The following STK35 variants were observed in gnomAD, a reference collection of about 807,000 sequenced individuals.
STK35 encodes the protein serine/threonine kinase 35, also known as serine/threonine-protein kinase 35.
A neutral mutation model predicts 37.3 loss-of-function variants in STK35; 17 were observed. That is an observed-to-expected ratio of 0.46 (90% CI 0.31 to 0.68). The LOEUF (loss-of-function observed/expected upper bound fraction) is 0.68, where lower values mean the gene tolerates loss of function less well. Ranked by LOEUF, STK35 falls within the 30% of genes least tolerant of loss-of-function variation. The pLI is 0.05. For synonymous variants in STK35, 385 were observed against 319.1 expected (o/e 1.21, Z -2.20); for missense variants, 595 against 746.7 (o/e 0.80, Z 2.37).
intron 2 of STK35, among the ~76,000 whole-genome samples, chr20:2,110,813 G>A (rs1985602925): frequency 6.6e-6 from 1 of 152,200 alleles, no homozygotes; most frequent in African/African-American, 2.4e-5. Context: ...ACGCATCAGA[G>A]TCTGCTGTGG....
chr20:2,108,220 T>C (rs1393103246), intron 2 of STK35, among the ~76,000 whole-genome samples: 1 of 152,234 alleles, frequency 6.6e-6, no homozygotes, highest in East Asian at 1.9e-4. Flanking sequence ...CAGAAACTAA[T>C]GGCTCAGGCC....
chr20:2,147,632 T>G lies in STK35; in HGVS notation c.*3886T>G, dbSNP rs1039518861. 1 of 152,516 alleles carries G rather than the reference T, an allele frequency of 6.6e-6. No homozygotes were observed. Among genetic ancestry groups the G allele is most frequent in the African/African-American group, 2.4e-5 (1 of 41,428 alleles). The allele number at this position is 152,516 out of a possible 1,614,324, so 9.4% of individuals were successfully genotyped here. A position where few individuals can be genotyped will look rare whatever the true frequency, so the allele number is the denominator to read the frequency against. The stretch of plus-strand genomic sequence containing the variant: ...TGCCCACCAAGTGCAGCTCCCACTT[T>G]CCATCCTGCCCATACGCCCCTCTTC... On this transcript the variant is annotated 3_prime_UTR_variant, in exon 4 of 4. Coordinates refer to ENST00000381482, the MANE Select transcript of STK35 (RefSeq NM_080836.4).
At chr20:2,126,718 C>T (rs1233371975) in intron 3 of STK35, among the ~76,000 whole-genome samples, 1 of 152,202 alleles carries the variant, frequency 6.6e-6, no homozygotes, top group Non-Finnish European at 1.5e-5. Flanking sequence ...GATTCAGAGG[C>T]ATGGCAGGCC....
At position 2,102,098 on chromosome 20, in the gene STK35, G is replaced by A; in HGVS notation, c.217G>A (p.Gly73Arg). Residue 73 changes from glycine (G) to arginine (R), a missense_variant, in exon 1 of 4, where the codon GGG becomes AGG. Around this residue, in one of 3 missense-constraint regions of STK35, gnomAD observed 389 missense variants for 320.0 expected, o/e 1.22. Coordinates refer to ENST00000381482, the MANE Select transcript of STK35 (RefSeq NM_080836.4). Reference protein sequence around the residue: ...SRAARSRRQPGPGADHPQAGA... With the variant: ...SRAARSRRQPRPGADHPQAGA... ...CGCTGCTCGGTCCCGGAGGCAGCCC[G>A]GGCCCGGAGCGGACCATCCCCAGGC... 3 of 1,473,688 alleles carry A rather than the reference G, an allele frequency of 2.0e-6. No homozygotes were observed. The highest frequency in any genetic ancestry group is 1.5e-5 in the African/African-American group (1 of 68,688). The allele number at this position is 1,473,688 out of a possible 1,614,324, so 91.3% of individuals were successfully genotyped here.
chr20:2,146,331 C>G lies in STK35; in HGVS notation c.*2585C>G, dbSNP rs943471946. 8 of 153,410 alleles carry G rather than the reference C, an allele frequency of 5.2e-5. No homozygotes were observed. The highest frequency in any genetic ancestry group is 1.0e-4 in the Non-Finnish European group (7 of 68,838). 9.5% of individuals were successfully genotyped at this position (153,410 alleles called of 1,614,324 possible). A position where few individuals can be genotyped will look rare whatever the true frequency, so the allele number is the denominator to read the frequency against. On this transcript the variant is annotated 3_prime_UTR_variant, in exon 4 of 4. Transcript: ENST00000381482. Reference sequence around the variant, plus strand: ...AGCTTCCACTCACTGTCACGTCCCCCCTCCTGCGTCTTCACTGGGTCTCAG... The same window carrying G: ...AGCTTCCACTCACTGTCACGTCCCCGCTCCTGCGTCTTCACTGGGTCTCAG...
chr20:2,141,129 C>T (rs1600623551), intron 3 of STK35, among the ~76,000 whole-genome samples: 1 of 152,202 alleles, frequency 6.6e-6, no homozygotes, highest in Non-Finnish European at 1.5e-5. Flanking sequence ...ATACCCTCTT[C>T]CCCCATCTTC....
chr20:2,106,909 C>G (rs1985526373), intron 2 of STK35, among the ~76,000 whole-genome samples: 1 of 152,104 alleles, frequency 6.6e-6, no homozygotes, highest in Non-Finnish European at 1.5e-5. Context: ...AACTGAAGCC[C>G]AGAAAAGGGA....
At chr20:2,143,495 A>C (rs1319994047) in intron 3 of STK35, among the ~76,000 whole-genome samples, 2 of 152,184 alleles carry the variant, frequency 1.3e-5, no homozygotes, top group Non-Finnish European at 2.9e-5. Context: ...GCCAGGGTTC[A>C]AGATTGGTTT....
At chr20:2,126,403 G>A (rs1374594660) in intron 3 of STK35, among the ~76,000 whole-genome samples, 1 of 152,148 alleles carries the variant, frequency 6.6e-6, no homozygotes, top group Non-Finnish European at 1.5e-5. Context: ...GGTTCTTGAA[G>A]GTAGGTTTTA....
chr20:2,143,709 T>C (rs977076203), intron 3 of STK35, 75 bp from the exon 4 acceptor site: 6 of 327,070 alleles, frequency 1.8e-5, no homozygotes, highest in South Asian at 4.7e-5. Context: ...ACAGCTTCAG[T>C]GTTCCTCTGG....
chr20:2,138,664 A>C (rs1252003276), intron 3 of STK35, among the ~76,000 whole-genome samples: 1 of 152,210 alleles, frequency 6.6e-6, no homozygotes, highest in Non-Finnish European at 1.5e-5. Flanking sequence ...AGGCAGGTCC[A>C]GGAGGGAAGC....
chr20:2,108,048 A>G (rs190097803), intron 2 of STK35, among the ~76,000 whole-genome samples: 4 of 152,272 alleles, frequency 2.6e-5, no homozygotes, highest in Admixed American at 6.5e-5. Flanking sequence ...AAATTGCCCA[A>G]TGTAAAACAG....
At chr20:2,125,090 C>T (rs61707066) in intron 3 of STK35, among the ~76,000 whole-genome samples, 1,616 of 152,308 alleles carry the variant, frequency 0.011, 25 homozygotes, top group African/African-American at 0.034. Flanking sequence ...TCACATGTTC[C>T]TCCTCCATGG....
intron 3 of STK35, among the ~76,000 whole-genome samples, chr20:2,122,886 A>G (rs908860932): frequency 6.6e-5 from 10 of 152,240 alleles, no homozygotes; most frequent in Admixed American, 3.9e-4. Context: ...ACGCTGTCCA[A>G]TCACTTGTTC....
intron 3 of STK35, among the ~76,000 whole-genome samples, chr20:2,135,765 A>T (rs1986076129): frequency 1.3e-5 from 2 of 152,156 alleles, no homozygotes; most frequent in Admixed American, 1.3e-4. Flanking sequence ...CAGGAGAATC[A>T]CTTGAACCCA....
In STK35 at chr20:2,102,085, C is replaced by A. The variant is rs1442670801; in HGVS notation, c.204C>A (p.Ser68=). 6.7e-7 allele frequency: 1 copy of A among 1,501,510 alleles called. No homozygotes were observed. The highest frequency in any genetic ancestry group is 8.9e-7 in the Non-Finnish European group (1 of 1,127,212). 93.0% of individuals were successfully genotyped at this position (1,501,510 alleles called of 1,614,324 possible). A position where few individuals can be genotyped will look rare whatever the true frequency, so the allele number is the denominator to read the frequency against. Residue 68 remains serine (S), a synonymous_variant, in exon 1 of 4, where the codon TCC becomes TCA. Transcript: ENST00000381482. The part of the protein sequence containing the change: ...ARAATSRAAR[S]RRQPGPGADH... ...CCGCCACCTCCCGCGCTGCTCGGTC[C>A]CGGAGGCAGCCCGGGCCCGGAGCGG...
rs2875736 is a variant in STK35, at chr20:2,117,778, C to T, written c.*37+363C>T. On this transcript the variant is annotated intron_variant, in intron 3 of 3. Coordinates refer to ENST00000381482, the MANE Select transcript of STK35 (RefSeq NM_080836.4). The surrounding 1 kb of genome is among the most constrained non-coding windows in gnomAD (Gnocchi z 4.4). ...TTTTCTGTATGCCCACTTCTTGGAC[C>T]GGGTTCTTCATTCTGGACCCTGGCA... is the stretch of plus-strand genomic sequence containing the variant. Among the ~76,000 whole-genome samples, 45,866 of 152,000 alleles carry T rather than the reference C, an allele frequency of 0.3. 8,589 individuals carry two copies. The highest frequency in any genetic ancestry group is 0.93 in the East Asian group (4,799 of 5,184).
Position 2,145,564 on chromosome 20 carries a change from T to G in STK35, c.*1818T>G, listed in dbSNP as rs948010665. The G allele has an allele frequency of 2.0e-5, 3 of 152,134 alleles. No homozygotes were observed. Among genetic ancestry groups the G allele is most frequent in the African/African-American group, 7.2e-5 (3 of 41,398 alleles). 9.4% of individuals were successfully genotyped at this position (152,134 alleles called of 1,614,324 possible). ...CCCCCTCAACACCAAACTTTCTTCC[T>G]TGTGAGCAGAAGGTTGGCTGCTGTT... On this transcript the variant is annotated 3_prime_UTR_variant, in exon 4 of 4. Transcript: ENST00000381482.
intron 2 of STK35, among the ~76,000 whole-genome samples, chr20:2,108,517 A>T (rs1416377814): frequency 6.6e-6 from 1 of 152,168 alleles, no homozygotes. Context: ...CCAAAAAAAA[A>T]GAAAGAAACT....
Sources: allele counts gnomAD v4.1 joint callset (sites outside exome capture counted in the v4.1 genomes callset), GRCh38; gene constraint gnomAD v4.1.1; regional missense constraint gnomAD v4.1.1; non-coding constraint Gnocchi (gnomAD v3.1); transcripts MANE v1.5; gene names NCBI Gene and HGNC (gene_info 2026-07-23, HGNC 2026-07-21).